Variants in LRBA observed in about 807,000 individuals in gnomAD.
LRBA encodes lipopolysaccharide-responsive and beige-like anchor protein.
LRBA carries 176 observed loss-of-function variants against 330.0 expected under a neutral mutation model. That is an observed-to-expected ratio of 0.53 (90% confidence interval 0.47 to 0.60). The LOEUF (loss-of-function observed/expected upper bound fraction) is 0.60. LRBA is among the 20% of genes least tolerant of loss of function. The probability of loss-of-function intolerance (pLI) is 0.00; values close to 1 mark genes in which losing one functional copy is unlikely to be tolerated. For missense variants in LRBA, 3,259 were observed against 3,444.8 expected, an observed-to-expected ratio of 0.95 and a Z score of 1.35; for synonymous variants, 1,230 against 1,193.0, an observed-to-expected ratio of 1.03 and a Z score of -0.64.
At chr4:150,631,317 C>T (rs1424566008) in intron 37 of LRBA, among the ~76,000 whole-genome samples, 1 of 152,030 alleles carries the variant, frequency 6.6e-6, no homozygotes, top group Non-Finnish European at 1.5e-5. Context: ...CCATTCCTAA[C>T]ATTTTTATTA....
In LRBA at chr4:150,479,128, A is replaced by T. The variant is rs181209759; in HGVS notation, c.6552-7389T>A. On this transcript the variant is annotated intron_variant, in intron 42 of 56. Transcript: ENST00000651943. ...GCAAGACAGCATCTCTTAAAAAAAA[A>T]AATTAGCCAGGCGTGGTATCATGTG... Among the ~76,000 whole-genome samples, 67 of 152,202 alleles carry T rather than the reference A, an allele frequency of 4.4e-4. 1 individual carries two copies. The highest frequency in any genetic ancestry group is 3.9e-3 in the Admixed American group (59 of 15,278).
intron 36 of LRBA, among the ~76,000 whole-genome samples, chr4:150,710,105 C>T (rs1412079984): frequency 6.6e-6 from 1 of 151,978 alleles, no homozygotes; most frequent in African/African-American, 2.4e-5. Context: ...AAAAATAAGA[C>T]AAGAGATTAC....
upstream of LRBA, chr4:151,015,420 GA>G (rs112281116): frequency 6.5e-6 from 1 of 153,298 alleles, no homozygotes. Flanking sequence ...AGCGGCCAGA[GA>G]AACCCAGCGG....
At chr4:150,305,334 T>C (rs1414640287) in intron 52 of LRBA, among the ~76,000 whole-genome samples, 3 of 152,208 alleles carry the variant, frequency 2.0e-5, no homozygotes, top group Non-Finnish European at 4.4e-5. Flanking sequence ...GTTTCTCCAA[T>C]GTCAGTGTAA....
chr4:150,399,647 G>A (rs549563283), intron 47 of LRBA, among the ~76,000 whole-genome samples: 1 of 152,218 alleles, frequency 6.6e-6, no homozygotes, highest in African/African-American at 2.4e-5. Flanking sequence ...TGGCGTGGTT[G>A]GTGGTGAGGG....
chr4:150,285,860 A>C, intron 54 of LRBA, 73 bp downstream of exon 54: 1 of 939,308 alleles, frequency 1.1e-6, no homozygotes, highest in Non-Finnish European at 1.5e-6. Context: ...AAGGTACCAA[A>C]TTAATCTTTG....
intron 43 of LRBA, among the ~76,000 whole-genome samples, chr4:150,470,696 TG>T (rs1359745573): frequency 1.3e-5 from 2 of 152,170 alleles, no homozygotes; most frequent in Admixed American, 1.3e-4. Flanking sequence ...GCCAGAAGCC[TG>T]GAAGTCTTTT....
At chr4:150,431,628 C>T (rs574654198) in intron 46 of LRBA, among the ~76,000 whole-genome samples, 1 of 152,010 alleles carries the variant, frequency 6.6e-6, no homozygotes, top group East Asian at 1.9e-4. Flanking sequence ...TGGATATATA[C>T]GGTTAAGATA....
intron 47 of LRBA, among the ~76,000 whole-genome samples, chr4:150,412,231 A>T (rs930453291): frequency 6.6e-6 from 1 of 152,236 alleles, no homozygotes; most frequent in African/African-American, 2.4e-5. Context: ...AAGCTAATTC[A>T]GAGTCTAAAC....
intron 51 of LRBA, 27 bp from the exon 52 acceptor site, chr4:150,310,411 T>C: frequency 6.3e-7 from 1 of 1,583,626 alleles, no homozygotes; most frequent in Non-Finnish European, 8.7e-7. Context: ...GAAAAACAAC[T>C]ATTAAATCCA....
In LRBA at chr4:150,499,831, T is replaced by C. The variant is rs143968731; in HGVS notation, c.6331-8796A>G. On this transcript the variant is annotated intron_variant, in intron 40 of 56. Coordinates refer to ENST00000651943, the MANE Select transcript of LRBA (RefSeq NM_001364905.1). ...CTCTCTTTCTTCTCAATGCCAATTC[T>C]TCCTTCATGAACTCCATCTTTGATG... Among the ~76,000 whole-genome samples, 889 of 152,236 alleles carry C rather than the reference T, an allele frequency of 5.8e-3. 11 individuals are homozygous for C. Among genetic ancestry groups the C allele is most frequent in the African/African-American group, 0.02 (841 of 41,542 alleles).
chr4:150,573,358 C>A (rs1178513851), intron 40 of LRBA, among the ~76,000 whole-genome samples: 1 of 152,184 alleles, frequency 6.6e-6, no homozygotes, highest in Non-Finnish European at 1.5e-5. Context: ...TTTCTCATCT[C>A]TCAGTCTTTT....
In LRBA at chr4:150,955,422, A is replaced by G. The variant is rs1168044738; in HGVS notation, c.217-26357T>C. ...ATGCCTACTTTAAAATAGAAGAAAGATACTAAATCAACAATATAACCTTTG... is the reference window on the plus strand; with the variant it reads ...ATGCCTACTTTAAAATAGAAGAAAGGTACTAAATCAACAATATAACCTTTG... On this transcript the variant is annotated intron_variant, in intron 2 of 56. Transcript: ENST00000651943. Among the ~76,000 whole-genome samples, 2 of 149,140 alleles carry G rather than the reference A, an allele frequency of 1.3e-5. 1 individual carries two copies. The highest frequency in any genetic ancestry group is 5.2e-5 in the African/African-American group (2 of 38,602).
Position 150,608,158 on chromosome 4 carries a change from C to A in LRBA, c.5922-9027G>T, listed in dbSNP as rs183932389. 1.3e-4 allele frequency among the ~76,000 whole-genome samples: 20 copies of A among 152,270 alleles called. No homozygotes were observed. In the East Asian group the frequency reaches 3.9e-3, roughly 29 times the overall value. ...CCCAAGAGGTTGAGGTTGCAGTGAG[C>A]TGAAATTGTGCCACTGCACTCCAGC... On this transcript the variant is annotated intron_variant, in intron 37 of 56. Coordinates refer to ENST00000651943, the MANE Select transcript of LRBA (RefSeq NM_001364905.1).
intron 2 of LRBA, among the ~76,000 whole-genome samples, chr4:150,962,760 C>A (rs1738292320): frequency 6.7e-6 from 1 of 148,486 alleles, no homozygotes; most frequent in Non-Finnish European, 1.5e-5. Flanking sequence ...TCGACACCAG[C>A]CTGACCAACA....
chr4:150,999,071 A>G (rs982589616), intron 2 of LRBA, among the ~76,000 whole-genome samples: 1 of 152,198 alleles, frequency 6.6e-6, no homozygotes, highest in African/African-American at 2.4e-5. Flanking sequence ...ATATAACAAA[A>G]AATACTTTTC....
At chr4:151,011,647 G>A (rs971065678) in intron 2 of LRBA, among the ~76,000 whole-genome samples, 18 of 150,176 alleles carry the variant, frequency 1.2e-4, no homozygotes, top group African/African-American at 3.4e-4. Flanking sequence ...AAATATTTAC[G>A]TGTAGCAGTA....
intron 35 of LRBA, among the ~76,000 whole-genome samples, chr4:150,744,330 C>T (rs1478516046): frequency 2.0e-5 from 3 of 152,192 alleles, no homozygotes; most frequent in South Asian, 4.1e-4. Flanking sequence ...GGCACACTAT[C>T]CTACTAGTCC....
At chr4:150,842,181 C>T (rs906281317) in intron 28 of LRBA, among the ~76,000 whole-genome samples, 1 of 152,080 alleles carries the variant, frequency 6.6e-6, no homozygotes, top group Non-Finnish European at 1.5e-5. Flanking sequence ...TTAGAAGGTT[C>T]TTCAAGAGCC....
Sources: allele counts gnomAD v4.1 joint callset (sites outside exome capture counted in the v4.1 genomes callset), GRCh38; gene constraint gnomAD v4.1.1; transcripts MANE v1.5; gene names NCBI Gene and HGNC (gene_info 2026-07-23, HGNC 2026-07-21).